Variants in ZFHX3 observed in about 807,000 individuals in gnomAD.
The protein encoded by ZFHX3 is zinc finger homeobox protein 3.
Under a neutral mutation model 279.1 loss-of-function variants are expected in ZFHX3, and 42 were observed. The observed-to-expected ratio is 0.15, with a 90% CI of 0.12 to 0.19. The LOEUF is 0.19. ZFHX3 is among the 10% of genes least tolerant of loss of function. The pLI, the probability that ZFHX3 is intolerant of heterozygous loss-of-function variation, is 1.00. For synonymous variants in ZFHX3, 2,293 were observed against 1,957.8 expected, an observed-to-expected ratio of 1.17 and a Z score of -4.52; for missense variants, 4,981 against 4,754.0, an observed-to-expected ratio of 1.05 and a Z score of -1.40.
rs145339007 is a variant in ZFHX3 at position 72,925,001 on chromosome 16, C to G, written c.3216+25468G>C. The stretch of plus-strand genomic sequence containing the variant: ...CCCAGCTGGCAAGTCTGAACTCTGT[C>G]CAGGCAGTCACGGGGGTGGTTTGGG... On this transcript the variant is annotated intron_variant, in intron 3 of 9. Transcript: ENST00000268489. Among the ~76,000 whole-genome samples, 181 of 152,308 alleles carry G rather than the reference C, an allele frequency of 1.2e-3. 3 individuals are homozygous for G. Among genetic ancestry groups the G allele is most frequent in the African/African-American group, 4.0e-3 (167 of 41,562 alleles).
chr16:73,395,135 C>T (rs1262460766), intron 3 of ZFHX3, among the ~76,000 whole-genome samples: 1 of 152,086 alleles, frequency 6.6e-6, no homozygotes, highest in Non-Finnish European at 1.5e-5. Flanking sequence ...GGGATAATGC[C>T]AAACATACTA....
chr16:73,772,420 G>A (rs566784743), intron 1 of ZFHX3, among the ~76,000 whole-genome samples: 6 of 152,248 alleles, frequency 3.9e-5, no homozygotes, highest in Middle Eastern at 3.4e-3. Context: ...GCCATCACGC[G>A]AACAGCATGG....
intron 5 of ZFHX3, among the ~76,000 whole-genome samples, chr16:73,179,056 C>T (rs62052442): frequency 0.082 from 12,487 of 152,242 alleles, 669 homozygotes; most frequent in Middle Eastern, 0.18. Context: ...GTGTTTTTGG[C>T]AGCCGTAACT....
chr16:73,738,959 G>C (rs1253248956), intron 1 of ZFHX3, among the ~76,000 whole-genome samples: 2 of 151,842 alleles, frequency 1.3e-5, no homozygotes, highest in African/African-American at 2.4e-5. Flanking sequence ...CTTCTCCTCT[G>C]TGAGTCCAAC....
intron 1 of ZFHX3, among the ~76,000 whole-genome samples, chr16:73,029,864 G>A (rs1387087847): frequency 6.6e-6 from 1 of 152,178 alleles, no homozygotes; most frequent in Non-Finnish European, 1.5e-5. Context: ...TCTCTGTCAT[G>A]TCTCTGCTCC....
At chr16:73,810,190 A>G (rs1960389874) in intron 1 of ZFHX3, among the ~76,000 whole-genome samples, 1 of 152,188 alleles carries the variant, frequency 6.6e-6, no homozygotes, top group Admixed American at 6.5e-5. Context: ...AACCCTGAAA[A>G]GAAAGTTAAA....
intron 2 of ZFHX3, among the ~76,000 whole-genome samples, chr16:73,653,776 G>A (rs986144730): frequency 6.7e-6 from 1 of 150,070 alleles, no homozygotes; most frequent in African/African-American, 2.5e-5. Context: ...TTCCTTGAAA[G>A]GAGTAAAATT....
At chr16:73,076,524 T>C (rs1965888028) in intron 8 of ZFHX3, among the ~76,000 whole-genome samples, 1 of 152,198 alleles carries the variant, frequency 6.6e-6, no homozygotes. Flanking sequence ...TCACAGTTAT[T>C]AAGGTGCTTG....
At chr16:73,766,263 T>C (rs977068618) in intron 1 of ZFHX3, among the ~76,000 whole-genome samples, 1 of 152,222 alleles carries the variant, frequency 6.6e-6, no homozygotes, top group Non-Finnish European at 1.5e-5. Flanking sequence ...CCCCTACCTG[T>C]CCTCAAAGGC....
At chr16:73,022,822 C>T (rs559586791) in intron 1 of ZFHX3, among the ~76,000 whole-genome samples, 1 of 152,154 alleles carries the variant, frequency 6.6e-6, no homozygotes, top group South Asian at 2.1e-4. Flanking sequence ...CAGTCACCAC[C>T]CTGTTCTAGC....
At chr16:73,277,718 A>T (rs1218399684) in intron 4 of ZFHX3, among the ~76,000 whole-genome samples, 1 of 152,218 alleles carries the variant, frequency 6.6e-6, no homozygotes, top group East Asian at 1.9e-4. Flanking sequence ...GCATGAGTCC[A>T]TTCTCGCATT....
Position 72,925,284 on chromosome 16 carries a change from A to G in ZFHX3, c.3216+25185T>C, listed in dbSNP as rs184086386. ...TCCTACCAATCCTTGCCCACCGTCA[A>G]TGCAGCTGTAGAGTGAGTCAACTGC... On this transcript the variant is annotated intron_variant, in intron 3 of 9. Transcript: ENST00000268489. 2.0e-5 allele frequency among the ~76,000 whole-genome samples: 3 copies of G among 152,330 alleles called. No individual in the cohort carries two copies. In the East Asian group the frequency reaches 5.8e-4, roughly 29 times the overall value.
At chr16:73,483,002 G>C (rs1458638762) in intron 2 of ZFHX3, among the ~76,000 whole-genome samples, 2 of 152,246 alleles carry the variant, frequency 1.3e-5, no homozygotes, top group East Asian at 3.8e-4. Flanking sequence ...GCAAAAGAGA[G>C]AGAGCTTCGT....
chr16:73,021,000 C>G (rs8057682), intron 1 of ZFHX3, among the ~76,000 whole-genome samples: 33 of 152,308 alleles, frequency 2.2e-4, no homozygotes, highest in African/African-American at 7.7e-4. Flanking sequence ...CCGTATAGAG[C>G]ACCTGCAAGG....
chr16:73,167,755 C>G (rs1354412777), intron 5 of ZFHX3, among the ~76,000 whole-genome samples: 1 of 152,230 alleles, frequency 6.6e-6, no homozygotes. Flanking sequence ...ACATCCTTTT[C>G]TGCAGAAAAT....
At chr16:73,574,387 AG>A (rs1255461111) in intron 2 of ZFHX3, among the ~76,000 whole-genome samples, 4 of 152,126 alleles carry the variant, frequency 2.6e-5, no homozygotes, top group African/African-American at 9.7e-5. Context: ...CTTTTCAACA[AG>A]ATTCTCAGAT....
chr16:73,491,773 A>G (rs1256011934), intron 2 of ZFHX3, among the ~76,000 whole-genome samples: 1 of 152,152 alleles, frequency 6.6e-6, no homozygotes, highest in Non-Finnish European at 1.5e-5. Flanking sequence ...GCTGGAGGCA[A>G]GTGGTGGGGG....
chr16:73,873,766 A>C (rs2029877938), intron 1 of ZFHX3, among the ~76,000 whole-genome samples: 1 of 152,128 alleles, frequency 6.6e-6, no homozygotes, highest in South Asian at 2.1e-4. Context: ...TCTTTAGAGG[A>C]GTTCCCTGTT....
intron 2 of ZFHX3, among the ~76,000 whole-genome samples, chr16:73,645,581 G>T (rs1046583753): frequency 6.6e-6 from 1 of 152,114 alleles, no homozygotes; most frequent in Non-Finnish European, 1.5e-5. Flanking sequence ...TACCTAGTTA[G>T]CCCTTAATAA....
Sources: allele counts gnomAD v4.1 joint callset (sites outside exome capture counted in the v4.1 genomes callset), GRCh38; gene constraint gnomAD v4.1.1; transcripts MANE v1.5; gene names NCBI Gene and HGNC (gene_info 2026-07-23, HGNC 2026-07-21).